PRKAR1B: variants seen among roughly 807,000 people sequenced by gnomAD.
The protein encoded by PRKAR1B is cAMP-dependent protein kinase type I-beta regulatory subunit.
In PRKAR1B, 22 loss-of-function variants were observed where a neutral mutation model predicts 46.5. The observed-to-expected ratio is 0.47, with a 90% CI of 0.34 to 0.68. PRKAR1B has a LOEUF of 0.68. Among genes scored for constraint, PRKAR1B ranks in the 30% least tolerant of loss-of-function variants. The pLI is 0.01. For missense variants in PRKAR1B, 445 were observed against 535.6 expected, an observed-to-expected ratio of 0.83 and a Z score of 1.67; for synonymous variants, 259 against 217.7, an observed-to-expected ratio of 1.19 and a Z score of -1.67.
intron 2 of PRKAR1B, chr7:691,863 G>A (rs901221771): frequency 1.7e-5 from 20 of 1,157,006 alleles, no homozygotes; most frequent in East Asian, 6.3e-5. Flanking sequence ...CCATGACAAC[G>A]GGCCATCTCA....
At chr7:695,507 T>C (rs1779681500) in intron 2 of PRKAR1B, among the ~76,000 whole-genome samples, 1 of 152,112 alleles carries the variant, frequency 6.6e-6, no homozygotes, top group Non-Finnish European at 1.5e-5. Context: ...TGACCTCGTG[T>C]TCCATGATGG....
chr7:665,980 C>G (rs1785898596), intron 4 of PRKAR1B, among the ~76,000 whole-genome samples: 3 of 152,234 alleles, frequency 2.0e-5, no homozygotes, highest in Admixed American at 6.6e-5. Flanking sequence ...GCTGGAGCCA[C>G]TGCCAGGAAG....
At chr7:706,915 A>C (rs942902034) in intron 2 of PRKAR1B, among the ~76,000 whole-genome samples, 1 of 152,076 alleles carries the variant, frequency 6.6e-6, no homozygotes, top group Non-Finnish European at 1.5e-5. Flanking sequence ...GTGAAGAAAA[A>C]TCCTCCATCA....
At chr7:669,668 G>A (rs1429606405) in intron 4 of PRKAR1B, among the ~76,000 whole-genome samples, 2 of 151,572 alleles carry the variant, frequency 1.3e-5, no homozygotes, top group Admixed American at 6.6e-5. Flanking sequence ...GGAGGCTGAG[G>A]CAGGAGAATC....
In PRKAR1B at chr7:593,183, C is replaced by T. The variant is rs1781083088; in HGVS notation, c.708+2963G>A. ...TGAAGCGGTGGAGGAAAGAGACGGG[C>T]ATCAGGGAGTCTCCCAGATCAGACA... On this transcript the variant is annotated intron_variant, in intron 7 of 10. Coordinates refer to ENST00000537384, the MANE Select transcript of PRKAR1B (RefSeq NM_001164760.2). This position sits in a 1 kb window ranked among gnomAD's most constrained non-coding sequence, Gnocchi z 6.1. 6.6e-6 allele frequency among the ~76,000 whole-genome samples: 1 copy of T among 152,186 alleles called. No individual in the cohort carries two copies. The highest frequency in any genetic ancestry group is 2.4e-5 in the African/African-American group (1 of 41,448).
chr7:695,885 C>T (rs1298305170), intron 2 of PRKAR1B, among the ~76,000 whole-genome samples: 9 of 151,232 alleles, frequency 6.0e-5, no homozygotes, highest in African/African-American at 1.5e-4. Context: ...ATGATGGTCT[C>T]GATCTCCTGA....
upstream of PRKAR1B, among the ~76,000 whole-genome samples, chr7:728,590 ATTCCT>A (rs1284143344): frequency 6.6e-6 from 1 of 152,144 alleles, no homozygotes; most frequent in Non-Finnish European, 1.5e-5. Context: ...GCCATTGAGA[ATTCCT>A]GGCATTTAAT....
intron 9 of PRKAR1B, among the ~76,000 whole-genome samples, chr7:576,525 A>G (rs1779845337): frequency 1.3e-5 from 2 of 152,118 alleles, no homozygotes; most frequent in Non-Finnish European, 2.9e-5. Context: ...TGCATTCATT[A>G]ATTCATTCAC....
chr7:685,178 G>A (rs1778933733), intron 2 of PRKAR1B, among the ~76,000 whole-genome samples: 2 of 145,828 alleles, frequency 1.4e-5, no homozygotes, highest in African/African-American at 2.6e-5. Flanking sequence ...AAGAGACAAA[G>A]ACAGAGAAAA....
intron 9 of PRKAR1B, among the ~76,000 whole-genome samples, chr7:553,934 C>T (rs899033491): frequency 1.3e-4 from 20 of 152,250 alleles, no homozygotes; most frequent in South Asian, 4.1e-4. Context: ...ACAGACCGGG[C>T]GGCTGAGTGC....
intron 4 of PRKAR1B, among the ~76,000 whole-genome samples, chr7:642,593 C>T (rs934719670): frequency 6.6e-5 from 10 of 151,358 alleles, no homozygotes; most frequent in Admixed American, 2.0e-4. Context: ...GGCGTAGTGG[C>T]GGGCGCCTGT....
chr7:635,868 T>C (rs1449536629), intron 4 of PRKAR1B, among the ~76,000 whole-genome samples: 2 of 151,954 alleles, frequency 1.3e-5, no homozygotes, highest in Non-Finnish European at 2.9e-5. Flanking sequence ...CAGGCCTCAG[T>C]TTCCCCATCT....
chr7:582,662 C>G (rs530579438), intron 8 of PRKAR1B, among the ~76,000 whole-genome samples: 1 of 152,208 alleles, frequency 6.6e-6, no homozygotes, highest in Non-Finnish European at 1.5e-5. Context: ...AGCCCTCGCC[C>G]GGAGCAGGGA....
chr7:621,892 G>C (rs1002312823), intron 4 of PRKAR1B, among the ~76,000 whole-genome samples: 1 of 152,208 alleles, frequency 6.6e-6, no homozygotes, highest in African/African-American at 2.4e-5. Context: ...GTCAGCAGCT[G>C]CTGCCATAGT....
At chr7:651,893 A>G (rs1162422505) in intron 4 of PRKAR1B, among the ~76,000 whole-genome samples, 194 of 42,144 alleles carry the variant, frequency 4.6e-3, no homozygotes, top group Admixed American at 5.5e-3. Context: ...CACCCACACA[A>G]CGCTAGGAAC....
chr7:596,477 C>T (rs1257423371), intron 6 of PRKAR1B, among the ~76,000 whole-genome samples, 173 bp from the exon 7 acceptor site: 2 of 152,226 alleles, frequency 1.3e-5, no homozygotes, highest in African/African-American at 4.8e-5. Flanking sequence ...GGCCTGTGGA[C>T]CCCAGTGCTC....
chr7:726,857 G>GGCGGCGCGCCTTGGAGGCCCT, intron 1 of PRKAR1B: 1 of 1,318,506 alleles, frequency 7.6e-7, no homozygotes, highest in Non-Finnish European at 9.6e-7. Context: ...AAGCCGGGCC[G>GGCGGCGCGCCTTGGAGGCCCT]GCGGCGCGCC....
At chr7:724,490 T>C (rs761954592) in intron 1 of PRKAR1B, among the ~76,000 whole-genome samples, 115 of 152,222 alleles carry the variant, frequency 7.6e-4, no homozygotes, top group Non-Finnish European at 1.3e-3. Context: ...CTTCCCGCCT[T>C]CGGCCATCAT....
At chr7:709,298 C>T (rs758279977) in intron 2 of PRKAR1B, among the ~76,000 whole-genome samples, 1 of 150,764 alleles carries the variant, frequency 6.6e-6, no homozygotes, top group Non-Finnish European at 1.5e-5. Context: ...GACTTATGTA[C>T]GTATGTATCC....
Sources: allele counts gnomAD v4.1 joint callset (sites outside exome capture counted in the v4.1 genomes callset), GRCh38; gene constraint gnomAD v4.1.1; non-coding constraint Gnocchi (gnomAD v3.1); transcripts MANE v1.5; gene names NCBI Gene and HGNC (gene_info 2026-07-23, HGNC 2026-07-21).